The following ROBO1 variants were observed in gnomAD, a reference collection of about 807,000 sequenced individuals.
The protein encoded by ROBO1 is roundabout guidance receptor 1, also known as roundabout homolog 1.
In ROBO1, 149 loss-of-function variants were observed where a neutral mutation model predicts 195.9. That is an observed-to-expected ratio of 0.76 (90% CI 0.67 to 0.87). The LOEUF (loss-of-function observed/expected upper bound fraction) is 0.87, where lower values mean the gene tolerates loss of function less well. Among genes scored for constraint, ROBO1 ranks in the 40% least tolerant of loss-of-function variants. The pLI is 0.00. For missense variants in ROBO1, 1,933 were observed against 2,068.3 expected, an observed-to-expected ratio of 0.93 and a Z score of 1.27; for synonymous variants, 816 against 733.2, an observed-to-expected ratio of 1.11 and a Z score of -1.82.
At chr3:78,613,788 A>G (rs566432611) in intron 28 of ROBO1, among the ~76,000 whole-genome samples, 1 of 152,212 alleles carries the variant, frequency 6.6e-6, no homozygotes, top group Non-Finnish European at 1.5e-5. Flanking sequence ...CTTTCATATG[A>G]TAATGGCAAA....
chr3:79,135,005 A>T (rs973555069), intron 2 of ROBO1, among the ~76,000 whole-genome samples: 3 of 148,248 alleles, frequency 2.0e-5, no homozygotes, highest in African/African-American at 7.5e-5. Context: ...AACCTGCACA[A>T]TGTGCACATG....
chr3:79,045,307 C>T (rs2078570386), intron 3 of ROBO1, among the ~76,000 whole-genome samples: 1 of 151,790 alleles, frequency 6.6e-6, no homozygotes, highest in African/African-American at 2.4e-5. Flanking sequence ...AGCACGAACA[C>T]CAAATAATGA....
intron 2 of ROBO1, among the ~76,000 whole-genome samples, chr3:79,458,934 T>C (rs2039708468): frequency 6.6e-6 from 1 of 152,022 alleles, no homozygotes; most frequent in African/African-American, 2.4e-5. Context: ...TTCTTTACTA[T>C]TACTAGGAAA....
chr3:79,746,036 A>C (rs1315366357), intron 1 of ROBO1, among the ~76,000 whole-genome samples: 1 of 152,124 alleles, frequency 6.6e-6, no homozygotes, highest in Non-Finnish European at 1.5e-5. Context: ...TTTATAACAA[A>C]GTGTAAAAGG....
At chr3:79,424,191 T>C (rs2038346990) in intron 2 of ROBO1, among the ~76,000 whole-genome samples, 1 of 152,084 alleles carries the variant, frequency 6.6e-6, no homozygotes, top group Non-Finnish European at 1.5e-5. Flanking sequence ...TTTTTAATTG[T>C]AGAAAAATAA....
At chr3:79,347,093 G>A (rs1486602949) in intron 2 of ROBO1, among the ~76,000 whole-genome samples, 1 of 152,094 alleles carries the variant, frequency 6.6e-6, no homozygotes, top group Non-Finnish European at 1.5e-5. Flanking sequence ...ATAGATAGGT[G>A]AACAGACAGC....
At chr3:79,487,772 A>G (rs1032171569) in intron 2 of ROBO1, among the ~76,000 whole-genome samples, 1 of 152,112 alleles carries the variant, frequency 6.6e-6, no homozygotes, top group African/African-American at 2.4e-5. Flanking sequence ...CACTAAATTA[A>G]CTTATGAGGT....
chr3:79,008,550 A>T (rs1425405706), intron 3 of ROBO1, among the ~76,000 whole-genome samples: 1 of 151,772 alleles, frequency 6.6e-6, no homozygotes, highest in Non-Finnish European at 1.5e-5. Context: ...ACAAAGTAAC[A>T]TATACATGTA....
At chr3:78,631,023 A>C in intron 25 of ROBO1, 138 bp downstream of exon 25, 1 of 884,024 alleles carries the variant, frequency 1.1e-6, no homozygotes, top group Non-Finnish European at 1.6e-6. Context: ...CCTGCTGACC[A>C]GCACTATTTT....
At chr3:79,403,648 T>TC (rs2037444306) in intron 2 of ROBO1, among the ~76,000 whole-genome samples, 1 of 152,026 alleles carries the variant, frequency 6.6e-6, no homozygotes, top group African/African-American at 2.4e-5. Context: ...TGAGTTCAAA[T>TC]CACTAATTTT....
At position 78,958,007 on chromosome 3, in the gene ROBO1, C is replaced by T. The variant is rs559566918; in HGVS notation, c.173-19080G>A. Among the ~76,000 whole-genome samples the T allele has an allele frequency of 3.9e-4, 59 of 152,254 alleles. No homozygotes were observed. The South Asian group carries it at 9.3e-3, about 24-fold the overall frequency. On this transcript the variant is annotated intron_variant, in intron 3 of 30. Coordinates refer to ENST00000464233, the MANE Select transcript of ROBO1 (RefSeq NM_002941.4). Reference sequence around the variant, plus strand: ...TAGCTTTCTGCTAGCACAGAAACTACAAGTGACATAGACCGAGATGCAGCA... The same window carrying T: ...TAGCTTTCTGCTAGCACAGAAACTATAAGTGACATAGACCGAGATGCAGCA...
intron 2 of ROBO1, among the ~76,000 whole-genome samples, chr3:79,157,277 C>G (rs1217563452): frequency 1.3e-5 from 2 of 151,810 alleles, no homozygotes; most frequent in African/African-American, 4.8e-5. Flanking sequence ...ACAGGTTGGC[C>G]TCAAGGCACA....
chr3:78,984,557 T>C (rs2077063397), intron 3 of ROBO1, among the ~76,000 whole-genome samples: 1 of 152,202 alleles, frequency 6.6e-6, no homozygotes, highest in Non-Finnish European at 1.5e-5. Context: ...TTCCGGTCCA[T>C]GCTTTCAGTG....
chr3:79,673,945 C>G (rs1946708034), intron 1 of ROBO1, among the ~76,000 whole-genome samples: 1 of 151,984 alleles, frequency 6.6e-6, no homozygotes, highest in Non-Finnish European at 1.5e-5. Context: ...CCAGGGGAAG[C>G]ATGTATTACC....
chr3:78,844,399 T>C, intron 4 of ROBO1, among the ~76,000 whole-genome samples: 1 of 152,126 alleles, frequency 6.6e-6, no homozygotes, highest in East Asian at 1.9e-4. Flanking sequence ...CCGCAGAGTC[T>C]CTTGGCCTTT....
At chr3:79,316,521 A>C (rs2033744042) in intron 2 of ROBO1, among the ~76,000 whole-genome samples, 1 of 152,094 alleles carries the variant, frequency 6.6e-6, no homozygotes, top group Non-Finnish European at 1.5e-5. Flanking sequence ...GATGATAGGT[A>C]GGTAGACATG....
chr3:79,737,248 T>C (rs957990454), intron 1 of ROBO1, among the ~76,000 whole-genome samples: 10 of 152,144 alleles, frequency 6.6e-5, no homozygotes, highest in Non-Finnish European at 1.3e-4. Flanking sequence ...ATAGAAAGAA[T>C]GATTTTAACT....
rs2080201491 is a variant in ROBO1 at position 79,125,600 on chromosome 3, C to T, written c.89-61G>A. 2.4e-6 allele frequency: 3 copies of T among 1,244,420 alleles called. No individual in the cohort carries two copies. The East Asian group carries it at 7.1e-5, about 29-fold the overall frequency. The allele number at this position is 1,244,420 out of a possible 1,614,324, so 77.1% of individuals were successfully genotyped here. ...ACAGTAGTAACAGTAGTTGCCATTT[C>T]GATCACAGCATGTCCAGACACAAGT... On this transcript the variant is annotated intron_variant, in intron 2 of 30. Transcript: ENST00000464233.
chr3:79,623,527 G>T (rs1945075971), intron 1 of ROBO1, among the ~76,000 whole-genome samples: 1 of 152,134 alleles, frequency 6.6e-6, no homozygotes, highest in Non-Finnish European at 1.5e-5. Flanking sequence ...GAAAAACACA[G>T]CATGAGAACT....
Sources: allele counts gnomAD v4.1 joint callset (sites outside exome capture counted in the v4.1 genomes callset), GRCh38; gene constraint gnomAD v4.1.1; transcripts MANE v1.5; gene names NCBI Gene and HGNC (gene_info 2026-07-23, HGNC 2026-07-21).